Variants in COG5 observed in about 807,000 individuals in gnomAD.
COG5 encodes the protein conserved oligomeric Golgi complex subunit 5.
In COG5, 86 loss-of-function variants were observed where a neutral mutation model predicts 110.4. The ratio of observed to expected loss-of-function variants is 0.78; its 90% CI spans 0.65 to 0.93. COG5 has a LOEUF of 0.93. Among genes scored for constraint, COG5 ranks in the 40% least tolerant of loss-of-function variants. The probability of loss-of-function intolerance (pLI) is 0.00; values close to 1 mark genes in which losing one functional copy is unlikely to be tolerated. For synonymous variants in COG5, 360 were observed against 334.6 expected (o/e 1.08, Z -0.83); for missense variants, 1,077 against 987.0 (o/e 1.09, Z -1.22).
Position 107,331,584 on chromosome 7 carries a change from CA to C in COG5, c.1027-7064del, listed in dbSNP as rs1272871159. 2.9e-4 allele frequency among the ~76,000 whole-genome samples: 44 copies of C among 152,076 alleles called. 1 individual carries two copies. On this transcript the variant is annotated intron_variant, in intron 10 of 21. Transcript: ENST00000297135. ...TAGGAATTTACTGAAAAAATCTAGG[CA>C]AAAGGTACCTTTCTATGGCCAGAGT...
Position 107,362,215 on chromosome 7 carries a change from T to A in COG5, c.948+93A>T, listed in dbSNP as rs565258972. 48 of 1,343,754 alleles carry A rather than the reference T, an allele frequency of 3.6e-5. 1 individual carries two copies. In the South Asian group the frequency reaches 4.5e-4, roughly 13 times the overall value. The allele number at this position is 1,343,754 out of a possible 1,614,324, so 83.2% of individuals were successfully genotyped here. A position where few individuals can be genotyped will look rare whatever the true frequency, so the allele number is the denominator to read the frequency against. On this transcript the variant is annotated intron_variant, in intron 9 of 21. Coordinates refer to ENST00000297135, the MANE Select transcript of COG5 (RefSeq NM_006348.5). The stretch of plus-strand genomic sequence containing the variant: ...CAGCTAGTGGAGGTATTTTGAATGC[T>A]CATTGATTAAAAAACCTGCCCAAGG...
chr7:107,221,631 A>G (rs1799932120), intron 19 of COG5, among the ~76,000 whole-genome samples: 1 of 151,826 alleles, frequency 6.6e-6, no homozygotes, highest in Non-Finnish European at 1.5e-5. Context: ...CGGGCATGGT[A>G]GCGTGTGCCT....
intron 6 of COG5, among the ~76,000 whole-genome samples, chr7:107,481,107 C>T (rs995595157): frequency 9.2e-5 from 14 of 152,156 alleles, no homozygotes; most frequent in Non-Finnish European, 1.8e-4. Flanking sequence ...CACTATCAAA[C>T]CCCGAAGCAT....
At chr7:107,562,778 ACAGT>A (rs1563103141) in intron 1 of COG5, among the ~76,000 whole-genome samples, 2 of 152,248 alleles carry the variant, frequency 1.3e-5, no homozygotes, top group Admixed American at 6.5e-5. Flanking sequence ...AAAATATTTA[ACAGT>A]CAGAGAAAAT....
intron 7 of COG5, among the ~76,000 whole-genome samples, chr7:107,377,747 A>T (rs746368323): frequency 6.6e-6 from 1 of 152,226 alleles, no homozygotes; most frequent in Non-Finnish European, 1.5e-5. Context: ...TACTCTCTAG[A>T]TTCCTCCTTT....
At chr7:107,528,843 T>C (rs576610726) in intron 5 of COG5, among the ~76,000 whole-genome samples, 7 of 152,064 alleles carry the variant, frequency 4.6e-5, no homozygotes, top group African/African-American at 1.7e-4. Flanking sequence ...AATAAATACA[T>C]ACACCAGAGC....
chr7:107,490,969 C>G (rs1019390053), intron 6 of COG5, among the ~76,000 whole-genome samples: 1 of 151,992 alleles, frequency 6.6e-6, no homozygotes, highest in African/African-American at 2.4e-5. Context: ...CTCCATGTGC[C>G]CATTCAACAA....
chr7:107,345,546 C>T (rs1317708917), intron 10 of COG5, among the ~76,000 whole-genome samples: 1 of 151,504 alleles, frequency 6.6e-6, no homozygotes, highest in Non-Finnish European at 1.5e-5. Flanking sequence ...TAGTGTTCGC[C>T]AGGGGAAAGT....
rs1805382195 is a variant in COG5, at chr7:107,283,738, GA to G, written c.1314-7del. 1 of 1,612,690 alleles carries G rather than the reference GA, an allele frequency of 6.2e-7. No individual in the cohort carries two copies. Among genetic ancestry groups the G allele is most frequent in the African/African-American group, 1.3e-5 (1 of 74,882 alleles). ...CTTTCAAAGCCTTTTCTGGACTGTG[GA>G]AACAAAATTTTTTAAAAACTAACTT... On this transcript the variant is annotated splice_region_variant and splice_polypyrimidine_tract_variant and intron_variant, in intron 12 of 21. Transcript: ENST00000297135.
intron 10 of COG5, among the ~76,000 whole-genome samples, chr7:107,360,482 G>A (rs1048299069): frequency 2.6e-5 from 4 of 152,184 alleles, no homozygotes; most frequent in African/African-American, 7.2e-5. Flanking sequence ...GGAGAGAAGA[G>A]CTGTGGCCCT....
At chr7:107,399,631 A>G (rs764577429) in intron 7 of COG5, among the ~76,000 whole-genome samples, 15 of 152,324 alleles carry the variant, frequency 9.8e-5, no homozygotes, top group Middle Eastern at 6.8e-3. Flanking sequence ...TTTTCTTTAT[A>G]AATTACCCAG....
chr7:107,554,258 A>C, intron 3 of COG5, 27 bp downstream of exon 3: 1 of 1,604,138 alleles, frequency 6.2e-7, no homozygotes, highest in South Asian at 1.1e-5. Context: ...AGCTCTACAT[A>C]ATCTCTAGCA....
intron 3 of COG5, among the ~76,000 whole-genome samples, chr7:107,553,117 G>A (rs1803048554): frequency 6.6e-6 from 1 of 152,148 alleles, no homozygotes. Context: ...CTAGAGGAGG[G>A]AGTACCTAAC....
At chr7:107,223,896 A>G (rs1800129757) in intron 19 of COG5, among the ~76,000 whole-genome samples, 1 of 152,188 alleles carries the variant, frequency 6.6e-6, no homozygotes, top group Admixed American at 6.5e-5. Flanking sequence ...TATCAGTAAA[A>G]CACTCAGCAC....
intron 7 of COG5, among the ~76,000 whole-genome samples, chr7:107,391,866 C>A (rs1790647201): frequency 6.6e-6 from 1 of 152,072 alleles, no homozygotes; most frequent in African/African-American, 2.4e-5. Context: ...CCAAGGAGGG[C>A]AGATCACAAG....
chr7:107,523,797 A>G (rs1414580298), intron 6 of COG5, among the ~76,000 whole-genome samples: 4 of 152,136 alleles, frequency 2.6e-5, no homozygotes, highest in Admixed American at 6.6e-5. Flanking sequence ...CCTGGGCAAC[A>G]ACAGCAAAAC....
chr7:107,558,887 C>CA (rs1243505305), intron 1 of COG5, among the ~76,000 whole-genome samples: 977 of 15,854 alleles, frequency 0.062, 16 homozygotes, highest in African/African-American at 0.14. Flanking sequence ...GACTCTGTCC[C>CA]AAAAAAAAAA....
chr7:107,208,737 C>T (rs538340837), intron 21 of COG5: 74 of 985,380 alleles, frequency 7.5e-5, no homozygotes, highest in Admixed American at 1.2e-4. Context: ...GAGCAGGGTC[C>T]GAGCTAATCT....
chr7:107,261,314 T>TTCTCTCTC (rs146146553), intron 14 of COG5, among the ~76,000 whole-genome samples: 1 of 149,118 alleles, frequency 6.7e-6, no homozygotes, highest in South Asian at 2.1e-4. Context: ...ATCATTTGTA[T>TTCTCTCTC]TCTCTCTCTC....
Sources: allele counts gnomAD v4.1 joint callset (sites outside exome capture counted in the v4.1 genomes callset), GRCh38; gene constraint gnomAD v4.1.1; transcripts MANE v1.5; gene names NCBI Gene and HGNC (gene_info 2026-07-23, HGNC 2026-07-21).